The following ROR2 variants were observed in gnomAD, a reference collection of about 807,000 sequenced individuals.
ROR2 encodes ROR family WNT receptor 2, also known as tyrosine-protein kinase transmembrane receptor ROR2.
ROR2 carries 33 observed loss-of-function variants against 74.9 expected under a neutral mutation model. The observed-to-expected ratio is 0.44, with a 90% CI of 0.33 to 0.59. The LOEUF is 0.59. ROR2 is among the 20% of genes least tolerant of loss of function. ROR2 has a pLI of 0.02. For missense variants in ROR2, 1,216 were observed against 1,313.8 expected (o/e 0.93, Z 1.15); for synonymous variants, 586 against 558.7 (o/e 1.05, Z -0.69).
chr9:91,872,788 A>C (rs1048567238), intron 1 of ROR2, among the ~76,000 whole-genome samples: 1 of 152,182 alleles, frequency 6.6e-6, no homozygotes, highest in Non-Finnish European at 1.5e-5. Context: ...CGAAGTACCA[A>C]CATCCTCTGG....
intron 2 of ROR2, among the ~76,000 whole-genome samples, chr9:91,759,252 G>C (rs1227810938): frequency 6.6e-6 from 1 of 152,158 alleles, no homozygotes; most frequent in African/African-American, 2.4e-5. Context: ...TGAGGAGACG[G>C]TCTTCATTCA....
intron 1 of ROR2, among the ~76,000 whole-genome samples, chr9:91,941,729 T>C (rs1831874362): frequency 6.6e-6 from 1 of 152,092 alleles, no homozygotes; most frequent in African/African-American, 2.4e-5. Context: ...CCCTGTGGTG[T>C]ACTGTATTGT....
chr9:91,833,547 C>G (rs963793266), intron 1 of ROR2, among the ~76,000 whole-genome samples: 1 of 152,134 alleles, frequency 6.6e-6, no homozygotes, highest in Non-Finnish European at 1.5e-5. Flanking sequence ...GCCGTGCCCC[C>G]CAGGCCCCTG....
intron 8 of ROR2, among the ~76,000 whole-genome samples, chr9:91,725,716 G>A (rs73504473): frequency 0.041 from 6,254 of 152,226 alleles, 361 homozygotes; most frequent in African/African-American, 0.13. Flanking sequence ...ACAGGTGATA[G>A]GAGCCCTGAG....
At chr9:91,925,965 C>G (rs1033077952) in intron 1 of ROR2, among the ~76,000 whole-genome samples, 1 of 152,164 alleles carries the variant, frequency 6.6e-6, no homozygotes, top group Admixed American at 6.5e-5. Flanking sequence ...CATCCTAGGC[C>G]TGGCGCGGTT....
chr9:91,806,553 C>T (rs1436960439), intron 1 of ROR2, among the ~76,000 whole-genome samples: 4 of 152,096 alleles, frequency 2.6e-5, no homozygotes, highest in Non-Finnish European at 5.9e-5. Context: ...ACAGCAAGTT[C>T]TATTTTGGAC....
intron 7 of ROR2, among the ~76,000 whole-genome samples, chr9:91,729,233 T>G (rs927342252): frequency 6.6e-6 from 1 of 152,194 alleles, no homozygotes; most frequent in Non-Finnish European, 1.5e-5. Flanking sequence ...CTCATTTTCC[T>G]TTTGCCAGAA....
Position 91,726,705 on chromosome 9 carries a change from A to G in ROR2, c.1222T>C (p.Leu408=), listed in dbSNP as rs368299545. The G allele has an allele frequency of 3.5e-5, 56 of 1,613,944 alleles. No individual in the cohort carries two copies. The African/African-American group carries it at 7.1e-4, about 20-fold the overall frequency. Reference sequence around the variant, plus strand: ...AGTGGAATTGCGATGCTGGGGACCAAGATGTACAGAATCCCCATCTTGCTG... The same window carrying G: ...AGTGGAATTGCGATGCTGGGGACCAGGATGTACAGAATCCCCATCTTGCTG... ...DSSKMGILYI[L]VPSIAIPLVI... Residue 408 remains leucine, a synonymous_variant, in exon 8 of 9, where the codon TTG becomes CTG. Coordinates refer to ENST00000375708, the MANE Select transcript of ROR2 (RefSeq NM_004560.4).
intron 6 of ROR2, among the ~76,000 whole-genome samples, chr9:91,731,997 G>C (rs1394340237): frequency 6.6e-6 from 1 of 152,074 alleles, no homozygotes; most frequent in Non-Finnish European, 1.5e-5. Flanking sequence ...GTTAGTACTG[G>C]TGTCATCCCC....
Position 91,724,842 on chromosome 9 carries a change from A to G in ROR2, c.1652T>C (p.Met551Thr). The part of the protein sequence containing the change: ...GVVTKDQPLS[M>T]IFSYCSHGDL... ...GCCGTGCGAACAGTAGCTGAAGATC[A>G]TGCTCAGGGGCTGGTCCTTGGTCAC... is the stretch of plus-strand genomic sequence containing the variant. The change falls in exon 9 of 9, where the codon ATG becomes ACG. Residue 551 changes from methionine to threonine, a missense_variant. Physicochemically the swap from Met to Thr is moderately conservative, Grantham distance 81 (BLOSUM62 -1). Coordinates refer to ENST00000375708, the MANE Select transcript of ROR2 (RefSeq NM_004560.4). 1 of 1,604,140 alleles carries G rather than the reference A, an allele frequency of 6.2e-7. No individual in the cohort carries two copies.
chr9:91,748,088 C>G (rs975808926), intron 4 of ROR2, among the ~76,000 whole-genome samples: 16 of 152,066 alleles, frequency 1.1e-4, no homozygotes, highest in Admixed American at 2.0e-4. Flanking sequence ...ATGATGAAAC[C>G]CTGTCTCTAC....
intron 1 of ROR2, chr9:91,948,516 C>G: frequency 1.1e-6 from 1 of 948,106 alleles, no homozygotes; most frequent in Non-Finnish European, 1.3e-6. Flanking sequence ...CTTCCCAAAT[C>G]AAGTAATTAG....
At chr9:91,812,415 G>A (rs557983017) in intron 1 of ROR2, among the ~76,000 whole-genome samples, 7 of 152,220 alleles carry the variant, frequency 4.6e-5, no homozygotes, top group Admixed American at 3.3e-4. Context: ...ATGTGGGGAG[G>A]GGGGATGTCA....
chr9:91,911,149 T>C (rs922198770), intron 1 of ROR2, among the ~76,000 whole-genome samples: 4 of 152,204 alleles, frequency 2.6e-5, no homozygotes, highest in African/African-American at 9.6e-5. Flanking sequence ...CCTGTTCCTT[T>C]GAAAATATAC....
Position 91,851,907 on chromosome 9 carries a change from C to T in ROR2, c.98-76089G>A, listed in dbSNP as rs544542053. ...AGGAGAATCGCGTGAACCTGGGAGA[C>T]GGAAGTTGCAGTGAGCCGAGATGGC... is the stretch of plus-strand genomic sequence containing the variant. On this transcript the variant is annotated intron_variant, in intron 1 of 8. Transcript: ENST00000375708. Among the ~76,000 whole-genome samples the T allele has an allele frequency of 2.0e-5, 3 of 149,248 alleles. No individual in the cohort carries two copies. The Admixed American group carries it at 2.0e-4, about 10-fold the overall frequency.
At chr9:91,927,627 G>A (rs1394405185) in intron 1 of ROR2, among the ~76,000 whole-genome samples, 5 of 142,156 alleles carry the variant, frequency 3.5e-5, no homozygotes, top group East Asian at 2.1e-4. Context: ...GCAGTGGTGC[G>A]ATGTCAGCTC....
intron 1 of ROR2, among the ~76,000 whole-genome samples, chr9:91,945,222 C>A (rs1020874841): frequency 6.6e-6 from 1 of 152,148 alleles, no homozygotes; most frequent in African/African-American, 2.4e-5. Context: ...GGAAGTGAAT[C>A]TTTAATTTCT....
chr9:91,909,847 G>GTTTTTTTTTT (rs71362365), intron 1 of ROR2, among the ~76,000 whole-genome samples: 931 of 53,636 alleles, frequency 0.017, 20 homozygotes, highest in Middle Eastern at 0.071. Flanking sequence ...GGTTTGTTTT[G>GTTTTTTTTTT]TTTTTTTTTT....
intron 1 of ROR2, among the ~76,000 whole-genome samples, chr9:91,850,012 C>T (rs927548620): frequency 6.6e-6 from 1 of 152,160 alleles, no homozygotes. Flanking sequence ...TTTTCTCCCA[C>T]AAACAGCATT....
Sources: gnomAD v4.1 joint callset for allele counts (sites outside exome capture counted in the v4.1 genomes callset) on GRCh38, gnomAD v4.1.1 for gene constraint, MANE v1.5 for transcripts, NCBI Gene and HGNC (gene_info 2026-07-23, HGNC 2026-07-21) for gene names.